The following ABTB3 variants were observed in gnomAD, a reference collection of about 807,000 sequenced individuals.
The protein encoded by ABTB3 is ankyrin repeat and BTB domain containing 3, also known as ankyrin repeat- and BTB/POZ domain-containing protein 3.
the ABTB3 span, chr12:107,617,396 G>A: frequency 6.2e-7 from 1 of 1,614,184 alleles, no homozygotes; most frequent in Non-Finnish European, 8.5e-7. Context: ...CCCCCAGGGT[G>A]ATATGAACTC....
chr12:107,628,894 C>T, the ABTB3 span, among the ~76,000 whole-genome samples: 2 of 152,182 alleles, frequency 1.3e-5, no homozygotes, highest in African/African-American at 4.8e-5. Flanking sequence ...AGAACTAGGA[C>T]CCCCTCCATC....
the ABTB3 span, among the ~76,000 whole-genome samples, chr12:107,579,962 A>G: frequency 5.3e-5 from 8 of 152,190 alleles, no homozygotes; most frequent in African/African-American, 1.9e-4. Flanking sequence ...CACAATCACC[A>G]TCTCTGGATA....
chr12:107,397,947 T>G, the ABTB3 span, among the ~76,000 whole-genome samples: 1 of 152,170 alleles, frequency 6.6e-6, no homozygotes, highest in Non-Finnish European at 1.5e-5. Context: ...TTCCAAGCTG[T>G]TTTTTTCTCT....
At chr12:107,425,660 G>A in the ABTB3 span, among the ~76,000 whole-genome samples, 1 of 152,120 alleles carries the variant, frequency 6.6e-6, no homozygotes, top group Admixed American at 6.5e-5. Context: ...CTTTTTTAAT[G>A]GTGGCCCCAT....
the ABTB3 span, among the ~76,000 whole-genome samples, chr12:107,416,428 G>T: frequency 6.6e-6 from 1 of 152,116 alleles, no homozygotes; most frequent in Non-Finnish European, 1.5e-5. Flanking sequence ...CTGAGGGGGT[G>T]GGGGGAAAGC....
At chr12:107,556,577 G>A in the ABTB3 span, among the ~76,000 whole-genome samples, 1 of 152,218 alleles carries the variant, frequency 6.6e-6, no homozygotes, top group Non-Finnish European at 1.5e-5. Context: ...TAGAGAGAGG[G>A]CAGAAGAGTC....
chr12:107,336,451 G>T, the ABTB3 span, among the ~76,000 whole-genome samples: 1 of 131,008 alleles, frequency 7.6e-6, no homozygotes, highest in Non-Finnish European at 1.5e-5. Context: ...AGTCACCTTG[G>T]GCCAGTTCTC....
At chr12:107,370,332 C>T in the ABTB3 span, among the ~76,000 whole-genome samples, 6 of 152,226 alleles carry the variant, frequency 3.9e-5, no homozygotes, top group South Asian at 2.1e-4. Flanking sequence ...CCAATGAGCA[C>T]ACTTCCATTG....
the ABTB3 span, among the ~76,000 whole-genome samples, chr12:107,495,838 A>G: frequency 6.6e-6 from 1 of 152,186 alleles, no homozygotes. Flanking sequence ...TAAAATGGGT[A>G]TGATAAGAGT....
At chr12:107,617,730 G>A in the ABTB3 span, 2 of 412,900 alleles carry the variant, frequency 4.8e-6, no homozygotes, top group East Asian at 8.1e-5. Flanking sequence ...CAGCTGTCAT[G>A]AAGTAAGAAA....
At chr12:107,448,637 C>CTTTTT in the ABTB3 span, among the ~76,000 whole-genome samples, 3 of 148,278 alleles carry the variant, frequency 2.0e-5, no homozygotes, top group Non-Finnish European at 4.4e-5. Flanking sequence ...TTCTTTCTTT[C>CTTTTT]TTTCTTTCTT....
the ABTB3 span, among the ~76,000 whole-genome samples, chr12:107,583,480 A>C: frequency 3.7e-3 from 566 of 152,340 alleles, 2 homozygotes; most frequent in Non-Finnish European, 5.7e-3. Flanking sequence ...TGGGAGCCAG[A>C]TATCGCACCC....
chr12:107,527,535 G>C, the ABTB3 span, among the ~76,000 whole-genome samples: 9 of 151,796 alleles, frequency 5.9e-5, no homozygotes, highest in Admixed American at 3.9e-4. Context: ...GCCTCCCAAA[G>C]TGCTGGGATT....
the ABTB3 span, among the ~76,000 whole-genome samples, chr12:107,457,598 G>A: frequency 6.6e-6 from 1 of 152,132 alleles, no homozygotes; most frequent in Non-Finnish European, 1.5e-5. Flanking sequence ...AAAATGCTGC[G>A]AGCTCAGAGC....
chr12:107,381,089 A>AT, the ABTB3 span, among the ~76,000 whole-genome samples: 1 of 151,604 alleles, frequency 6.6e-6, no homozygotes, highest in Admixed American at 6.6e-5. Flanking sequence ...TACACTACCC[A>AT]CCCCCCATCA....
chr12:107,644,462 C>CCT, the ABTB3 span, among the ~76,000 whole-genome samples: 1 of 152,222 alleles, frequency 6.6e-6, no homozygotes, highest in Admixed American at 6.5e-5. Context: ...AGTTGGAGAA[C>CCT]CTGTGCTCTC....
At chr12:107,469,569 C>T in the ABTB3 span, among the ~76,000 whole-genome samples, 1 of 152,168 alleles carries the variant, frequency 6.6e-6, no homozygotes, top group Non-Finnish European at 1.5e-5. Context: ...GAGGGCGAGG[C>T]ATCAGACTGG....
chr12:107,573,464 C>CGATGGATGGGTGGATG, the ABTB3 span, among the ~76,000 whole-genome samples: 23 of 139,496 alleles, frequency 1.6e-4, no homozygotes, highest in African/African-American at 3.2e-4. Context: ...GTGGATGAAT[C>CGATGGATGGGTGGATG]GATGGATGGA....
At chr12:107,406,437 A>G in the ABTB3 span, among the ~76,000 whole-genome samples, 1 of 152,184 alleles carries the variant, frequency 6.6e-6, no homozygotes, top group Non-Finnish European at 1.5e-5. Context: ...CTCTCTTAAA[A>G]CAAATAAAAA....
Sources: gnomAD v4.1 joint callset for allele counts (sites outside exome capture counted in the v4.1 genomes callset) on GRCh38, gnomAD v4.1.1 for gene constraint, MANE v1.5 for transcripts, NCBI Gene and HGNC (gene_info 2026-07-23, HGNC 2026-07-21) for gene names.